ADARB2: variants seen among roughly 807,000 people sequenced by gnomAD.
The protein encoded by ADARB2 is inactive double-stranded RNA-specific editase B2.
In ADARB2, 25 loss-of-function variants were observed where a neutral mutation model predicts 62.2. That is an observed-to-expected ratio of 0.40 (90% CI 0.29 to 0.56). The LOEUF (loss-of-function observed/expected upper bound fraction) is 0.56. Ranked by LOEUF, ADARB2 falls within the 20% of genes least tolerant of loss-of-function variation. The pLI, the probability that ADARB2 is intolerant of heterozygous loss-of-function variation, is 0.43. For synonymous variants in ADARB2, 572 were observed against 500.8 expected, an observed-to-expected ratio of 1.14 and a Z score of -1.90; for missense variants, 1,071 against 1,077.4, an observed-to-expected ratio of 0.99 and a Z score of 0.08.
At chr10:1,628,280 C>T (rs1329567313) in intron 1 of ADARB2, among the ~76,000 whole-genome samples, 2 of 152,240 alleles carry the variant, frequency 1.3e-5, no homozygotes, top group Non-Finnish European at 2.9e-5. Context: ...AGCACACAAC[C>T]CTGCTAGCCG....
At chr10:1,293,230 G>GAGGGAGAGAGGGAC (rs1491506091) in intron 3 of ADARB2, among the ~76,000 whole-genome samples, 1,822 of 125,458 alleles carry the variant, frequency 0.015, 74 homozygotes, top group African/African-American at 0.054. Flanking sequence ...GAGGGACGGG[G>GAGGGAGAGAGGGAC]AGGGAGAGAG....
Position 1,737,164 on chromosome 10 carries a change from G to A in ADARB2, c.-14C>T, listed in dbSNP as rs778607909. ...GACCGAGGCCATGGCCGAGACCCAG[G>A]CGCGGAGCCCAGAGCCGCCTCCCTC... On this transcript the variant is annotated 5_prime_UTR_variant, in exon 1 of 10. Transcript: ENST00000381312. 1 of 1,603,908 alleles carries A rather than the reference G, an allele frequency of 6.2e-7. No homozygotes were observed. Among genetic ancestry groups the A allele is most frequent in the Non-Finnish European group, 8.5e-7 (1 of 1,179,684 alleles).
intron 1 of ADARB2, among the ~76,000 whole-genome samples, chr10:1,706,464 C>G (rs1834891098): frequency 6.6e-6 from 1 of 152,162 alleles, no homozygotes; most frequent in African/African-American, 2.4e-5. Context: ...GAAGGCCAGC[C>G]ACAGGTATTT....
At chr10:1,411,199 C>G (rs1832756534) in intron 1 of ADARB2, among the ~76,000 whole-genome samples, 3 of 152,168 alleles carry the variant, frequency 2.0e-5, no homozygotes, top group Admixed American at 2.0e-4. Flanking sequence ...CCTAGAGAAT[C>G]TCAGGGGCCT....
intron 1 of ADARB2, among the ~76,000 whole-genome samples, chr10:1,572,133 GT>G (rs2131993566): frequency 7.0e-6 from 1 of 142,610 alleles, no homozygotes; most frequent in Admixed American, 7.0e-5. Context: ...GCAGGTGAGT[GT>G]GCAGGTGAGT....
At chr10:1,630,947 TC>T (rs1416853777) in intron 1 of ADARB2, among the ~76,000 whole-genome samples, 6 of 147,144 alleles carry the variant, frequency 4.1e-5, no homozygotes, top group African/African-American at 1.5e-4. Context: ...AGAGCGAGAC[TC>T]CTTCTCAAAA....
At chr10:1,500,395 C>G (rs1831752154) in intron 1 of ADARB2, among the ~76,000 whole-genome samples, 1 of 152,218 alleles carries the variant, frequency 6.6e-6, no homozygotes, top group South Asian at 2.1e-4. Context: ...ATCGGCATGA[C>G]TTTGAAGCAA....
At chr10:1,260,707 T>C (rs376432081) in intron 4 of ADARB2, among the ~76,000 whole-genome samples, 5 of 147,428 alleles carry the variant, frequency 3.4e-5, no homozygotes, top group Non-Finnish European at 4.5e-5. Context: ...GAATCAATAT[T>C]GTGAAAATGG....
chr10:1,471,832 C>T (rs1396573908), intron 1 of ADARB2, among the ~76,000 whole-genome samples: 2 of 152,154 alleles, frequency 1.3e-5, no homozygotes, highest in Admixed American at 6.5e-5. Context: ...AATTTATGGC[C>T]GTGTACACAT....
At chr10:1,688,894 T>G (rs1054289671) in intron 1 of ADARB2, among the ~76,000 whole-genome samples, 4 of 152,176 alleles carry the variant, frequency 2.6e-5, no homozygotes, top group African/African-American at 7.2e-5. Flanking sequence ...CGTAAAAAAG[T>G]AGTAATGATT....
chr10:1,667,519 G>A (rs1347764583), intron 1 of ADARB2, among the ~76,000 whole-genome samples: 2 of 152,196 alleles, frequency 1.3e-5, no homozygotes, highest in Admixed American at 6.5e-5. Flanking sequence ...AACAGCAGTT[G>A]CTTAAAAGAT....
chr10:1,621,420 C>CT (rs575676337), intron 1 of ADARB2, among the ~76,000 whole-genome samples: 21,381 of 144,352 alleles, frequency 0.15, 2,835 homozygotes, highest in African/African-American at 0.36. Flanking sequence ...TTCTTTCTTT[C>CT]TTTTTTTTTT....
chr10:1,329,842 C>T (rs948352604), intron 3 of ADARB2, among the ~76,000 whole-genome samples: 19 of 151,468 alleles, frequency 1.3e-4, no homozygotes, highest in Non-Finnish European at 2.2e-4. Context: ...GTGGTTATCC[C>T]GATTTGCTGA....
intron 1 of ADARB2, among the ~76,000 whole-genome samples, chr10:1,590,786 G>A (rs539525606): frequency 1.8e-3 from 278 of 152,336 alleles, no homozygotes; most frequent in Non-Finnish European, 3.1e-3. Context: ...GACGGTGGAC[G>A]GTTTCAGGGA....
chr10:1,355,421 G>A (rs1197305447), intron 3 of ADARB2, among the ~76,000 whole-genome samples: 1 of 152,198 alleles, frequency 6.6e-6, no homozygotes, highest in Admixed American at 6.5e-5. Flanking sequence ...GTGGGACTCA[G>A]GTCTCCGGAA....
chr10:1,503,971 C>T (rs1422451965), intron 1 of ADARB2, among the ~76,000 whole-genome samples: 1 of 152,098 alleles, frequency 6.6e-6, no homozygotes, highest in Non-Finnish European at 1.5e-5. Flanking sequence ...TATACATGGC[C>T]CAATCTCAGG....
intron 3 of ADARB2, among the ~76,000 whole-genome samples, chr10:1,304,959 T>G (rs1207194717): frequency 1.0e-5 from 1 of 96,366 alleles, no homozygotes; most frequent in African/African-American, 3.0e-5. Flanking sequence ...ACATCACAAT[T>G]AAAAGAACTA....
chr10:1,536,117 C>G (rs182143898), intron 1 of ADARB2, among the ~76,000 whole-genome samples: 1 of 152,098 alleles, frequency 6.6e-6, no homozygotes, highest in African/African-American at 2.4e-5. Flanking sequence ...AACCCTGTGT[C>G]GTGCCCCTGA....
At position 1,598,220 on chromosome 10, in the gene ADARB2, C is replaced by A. The variant is rs575738133; in HGVS notation, c.100+138831G>T. On this transcript the variant is annotated intron_variant, in intron 1 of 9. Transcript: ENST00000381312. The stretch of plus-strand genomic sequence containing the variant: ...GCACCGAGACATTCCCTGCTGGGTG[C>A]CCTGCTCACAATTCCAGAGGTGGGT... Among the ~76,000 whole-genome samples, 24 of 152,048 alleles carry A rather than the reference C, an allele frequency of 1.6e-4. 1 individual carries two copies. In the South Asian group the frequency reaches 4.4e-3, roughly 28 times the overall value.
Sources: gnomAD v4.1 joint callset for allele counts (sites outside exome capture counted in the v4.1 genomes callset) on GRCh38, gnomAD v4.1.1 for gene constraint, MANE v1.5 for transcripts, NCBI Gene and HGNC (gene_info 2026-07-23, HGNC 2026-07-21) for gene names.